The following TSNARE1 variants were observed in gnomAD, a reference collection of about 807,000 sequenced individuals.
The protein encoded by TSNARE1 is t-SNARE domain-containing protein 1.
Under a neutral mutation model 62.0 loss-of-function variants are expected in TSNARE1, and 49 were observed. The observed-to-expected ratio is 0.79, with a 90% CI of 0.63 to 1.00. The LOEUF is 1.00. Ranked by LOEUF, TSNARE1 falls within the 50% of genes least tolerant of loss-of-function variation. The pLI, the probability that TSNARE1 is intolerant of heterozygous loss-of-function variation, is 0.00. For synonymous variants in TSNARE1, 328 were observed against 294.4 expected, an observed-to-expected ratio of 1.11 and a Z score of -1.17; for missense variants, 755 against 700.1, an observed-to-expected ratio of 1.08 and a Z score of -0.88.
chr8:142,380,286 C>T (rs897686511), intron 1 of TSNARE1, among the ~76,000 whole-genome samples: 1 of 152,204 alleles, frequency 6.6e-6, no homozygotes, highest in Non-Finnish European at 1.5e-5. Flanking sequence ...ATGCAGAGCC[C>T]GGGGTCCCAC....
intron 9 of TSNARE1, 47 bp from the exon 10 acceptor site, chr8:142,300,691 C>T (rs1372024802): frequency 6.4e-7 from 1 of 1,571,294 alleles, no homozygotes; most frequent in Admixed American, 1.7e-5. Flanking sequence ...CTCCCATTAC[C>T]ACCACAACCC....
At chr8:142,309,086 C>T (rs76356767) in intron 9 of TSNARE1, among the ~76,000 whole-genome samples, 2,946 of 152,144 alleles carry the variant, frequency 0.019, 32 homozygotes, top group East Asian at 0.039. Context: ...TTTAAATTTC[C>T]TCTCCAAACT....
chr8:142,311,366 C>T (rs1320136015), intron 9 of TSNARE1, among the ~76,000 whole-genome samples: 5 of 143,156 alleles, frequency 3.5e-5, no homozygotes, highest in South Asian at 2.3e-4. Context: ...GGCACAATCT[C>T]GGCTCACCAC....
intron 9 of TSNARE1, among the ~76,000 whole-genome samples, chr8:142,305,271 C>T (rs755093597): frequency 2.8e-5 from 4 of 141,364 alleles, no homozygotes; most frequent in East Asian, 2.3e-4. Context: ...AGACCTGCCT[C>T]GGATCTGTGC....
At chr8:142,255,322 C>T (rs1357265220) in intron 12 of TSNARE1, among the ~76,000 whole-genome samples, 1 of 151,300 alleles carries the variant, frequency 6.6e-6, no homozygotes, top group Non-Finnish European at 1.5e-5. Flanking sequence ...AGACCAGCCA[C>T]ATCATTATCA....
At chr8:142,255,263 A>G (rs1348914761) in intron 12 of TSNARE1, among the ~76,000 whole-genome samples, 1 of 151,666 alleles carries the variant, frequency 6.6e-6, no homozygotes, top group African/African-American at 2.4e-5. Flanking sequence ...CAACACCATC[A>G]CCCTAATACC....
intron 1 of TSNARE1, among the ~76,000 whole-genome samples, chr8:142,362,860 C>G (rs1300063133): frequency 1.3e-5 from 2 of 152,192 alleles, no homozygotes; most frequent in East Asian, 1.9e-4. Flanking sequence ...GTTTCTTTCT[C>G]TGTAACATGG....
chr8:142,397,695 T>C (rs1003249856), intron 1 of TSNARE1, among the ~76,000 whole-genome samples: 5 of 152,164 alleles, frequency 3.3e-5, no homozygotes, highest in African/African-American at 1.2e-4. Context: ...GCTCACTGGC[T>C]TCCATGCTGG....
chr8:142,299,362 G>A (rs1825291337), intron 10 of TSNARE1, among the ~76,000 whole-genome samples: 1 of 152,242 alleles, frequency 6.6e-6, no homozygotes, highest in African/African-American at 2.4e-5. Flanking sequence ...CCAGGCCTCT[G>A]CTTTTCTAGA....
intron 6 of TSNARE1, among the ~76,000 whole-genome samples, chr8:142,320,569 C>G (rs984484864): frequency 6.6e-6 from 1 of 152,222 alleles, no homozygotes; most frequent in Non-Finnish European, 1.5e-5. Context: ...AACTTCACCT[C>G]CCCACACCAC....
At chr8:142,397,238 C>T (rs375672191) in intron 1 of TSNARE1, among the ~76,000 whole-genome samples, 509 of 149,894 alleles carry the variant, frequency 3.4e-3, no homozygotes, top group African/African-American at 0.011. Flanking sequence ...GTGGCAGTGG[C>T]GAGGCAGCCC....
chr8:142,276,576 C>G, intron 11 of TSNARE1: 1 of 985,440 alleles, frequency 1.0e-6, no homozygotes, highest in Non-Finnish European at 1.2e-6. Flanking sequence ...TCTGGGCTAA[C>G]ACAGGTGGTG....
Position 142,345,911 on chromosome 8 carries a change from A to G in TSNARE1, c.89-19T>C, listed in dbSNP as rs769012102. 1 of 1,608,558 alleles carries G rather than the reference A, an allele frequency of 6.2e-7. No individual in the cohort carries two copies. The highest frequency in any genetic ancestry group is 1.7e-5 in the Admixed American group (1 of 59,668). ...GCGCACTCTACGGACAGCAAGGGAC[A>G]GTCACGATTACTCTCAGCTCAGGGC... On this transcript the variant is annotated intron_variant, in intron 2 of 13. Transcript: ENST00000524325.
At chr8:142,316,794 C>G (rs1011109548) in intron 7 of TSNARE1, among the ~76,000 whole-genome samples, 3 of 151,892 alleles carry the variant, frequency 2.0e-5, no homozygotes, top group Non-Finnish European at 4.4e-5. Context: ...CCAGCCTCAC[C>G]ACATTGTGGC....
intron 1 of TSNARE1, among the ~76,000 whole-genome samples, chr8:142,360,688 C>T (rs1472836767): frequency 2.0e-5 from 3 of 152,258 alleles, no homozygotes; most frequent in South Asian, 4.1e-4. Context: ...GTTTGCAGGG[C>T]GCCGGGGGAA....
intron 1 of TSNARE1, among the ~76,000 whole-genome samples, chr8:142,380,797 G>A (rs553342014): frequency 2.0e-5 from 3 of 152,172 alleles, no homozygotes; most frequent in Non-Finnish European, 2.9e-5. Context: ...GGATGCCACC[G>A]ACACCACCTG....
chr8:142,362,446 A>G (rs1393273145), intron 1 of TSNARE1, among the ~76,000 whole-genome samples: 1 of 152,228 alleles, frequency 6.6e-6, no homozygotes, highest in East Asian at 1.9e-4. Context: ...ACACAGTCTG[A>G]GCCCACTTTC....
At chr8:142,386,643 T>C (rs1197894396) in intron 1 of TSNARE1, among the ~76,000 whole-genome samples, 1 of 152,178 alleles carries the variant, frequency 6.6e-6, no homozygotes, top group African/African-American at 2.4e-5. Context: ...TAAAATTTTG[T>C]AATGGGCAAA....
At chr8:142,278,752 C>A in intron 11 of TSNARE1, 1 of 985,394 alleles carries the variant, frequency 1.0e-6, no homozygotes, top group Non-Finnish European at 1.2e-6. Context: ...GCACAGCGTG[C>A]CTGACAGGCT....
Sources: allele counts gnomAD v4.1 joint callset (sites outside exome capture counted in the v4.1 genomes callset), GRCh38; gene constraint gnomAD v4.1.1; transcripts MANE v1.5; gene names NCBI Gene and HGNC (gene_info 2026-07-23, HGNC 2026-07-21).